Variants in ASB2 observed in about 807,000 individuals in gnomAD.
ASB2 encodes ankyrin repeat and SOCS box containing 2.
Under a neutral mutation model 62.4 loss-of-function variants are expected in ASB2, and 58 were observed. The observed-to-expected ratio is 0.93, with a 90% CI of 0.75 to 1.16. ASB2 has a LOEUF of 1.16. Ranked by LOEUF, ASB2 falls within the 50% of genes most tolerant of loss-of-function variation. The pLI is 0.00. For missense variants in ASB2, 928 were observed against 887.9 expected, an observed-to-expected ratio of 1.05 and a Z score of -0.57; for synonymous variants, 386 against 385.3, an observed-to-expected ratio of 1.00 and a Z score of -0.02.
chr14:93,944,475 G>A (rs1888649387), intron 7 of ASB2, among the ~76,000 whole-genome samples: 1 of 152,232 alleles, frequency 6.6e-6, no homozygotes, highest in African/African-American at 2.4e-5. Context: ...TCCATGCCTG[G>A]GACGGATGGC....
chr14:93,946,525 G>T (rs1264804296), intron 7 of ASB2, among the ~76,000 whole-genome samples: 2 of 152,370 alleles, frequency 1.3e-5, no homozygotes, highest in East Asian at 3.9e-4. Context: ...AGCTATCAAT[G>T]TGAGGTCAGT....
intron 1 of ASB2, among the ~76,000 whole-genome samples, chr14:93,967,303 G>C (rs905508329): frequency 6.6e-6 from 1 of 151,998 alleles, no homozygotes; most frequent in African/African-American, 2.4e-5. Flanking sequence ...CTTCAGTGGC[G>C]GGGGGAAGGG....
rs551243819 is a variant in ASB2, at chr14:93,964,535, G to A, written c.5C>T (p.Ala2Val). 4.6e-6 allele frequency: 7 copies of A among 1,536,032 alleles called. No individual in the cohort carries two copies. The Admixed American group carries it at 5.9e-5, about 13-fold the overall frequency. MATQISTRGSQC... is the reference protein window; with the variant it reads MVTQISTRGSQC... ...GCTGCCCCGAGTGCTGATCTGCGTG[G>A]CCATCCTCCTCCACCTCTCACCCTG... The change falls in exon 2 of 10, where the codon GCC (alanine) becomes GTC (valine). Residue 2 changes from alanine (A) to valine (V), a missense_variant. Physicochemically the swap from Ala to Val is moderately conservative, Grantham distance 64. Transcript: ENST00000555019.
rs1308106069 is a variant in ASB2, at chr14:93,955,857, C to T, written c.311+909G>A. Among the ~76,000 whole-genome samples, 10 of 152,110 alleles carry T rather than the reference C, an allele frequency of 6.6e-5. No homozygotes were observed. In the East Asian group the frequency reaches 1.3e-3, roughly 21 times the overall value. On this transcript the variant is annotated intron_variant, in intron 3 of 9. Transcript: ENST00000555019. ...TCACGTTGCCCTCTCCAGCCGTGTC[C>T]TGCAGAGAAGGGAGACTCAGAGGGG...
At chr14:93,972,437 C>T (rs1017073212) in intron 1 of ASB2, among the ~76,000 whole-genome samples, 5 of 152,130 alleles carry the variant, frequency 3.3e-5, no homozygotes, top group African/African-American at 9.7e-5. Flanking sequence ...GCCTGTGGGT[C>T]CTTGTCCTGT....
chr14:93,960,976 T>TAAAC (rs1248941187), intron 2 of ASB2, among the ~76,000 whole-genome samples: 1 of 149,960 alleles, frequency 6.7e-6, no homozygotes, highest in African/African-American at 2.5e-5. Flanking sequence ...AATAAATAAA[T>TAAAC]AAATAAATAA....
intron 8 of ASB2, among the ~76,000 whole-genome samples, chr14:93,938,531 C>T (rs1014184608): frequency 6.6e-6 from 1 of 152,158 alleles, no homozygotes; most frequent in Non-Finnish European, 1.5e-5. Context: ...TGAGCCACCG[C>T]GCCCGGCCAA....
intron 1 of ASB2, among the ~76,000 whole-genome samples, chr14:93,968,940 G>A (rs1022178815): frequency 6.6e-6 from 1 of 152,238 alleles, no homozygotes; most frequent in African/African-American, 2.4e-5. Context: ...TTGAGAGAGA[G>A]GGACTCTGCC....
In ASB2 at chr14:93,949,978, C is replaced by T. The variant is rs149566744; in HGVS notation, c.880+1021G>A. Among the ~76,000 whole-genome samples, 810 of 152,314 alleles carry T rather than the reference C, an allele frequency of 5.3e-3. 6 individuals carry two copies. The highest frequency in any genetic ancestry group is 0.018 in the African/African-American group (763 of 41,546). On this transcript the variant is annotated intron_variant, in intron 6 of 9. Coordinates refer to ENST00000555019, the MANE Select transcript of ASB2 (RefSeq NM_001202429.2). Reference sequence around the variant, plus strand: ...CAGAGTCCCGTGCTGCCGACTCTCACAGGGTAGGGTGGCTGGCAGAGCACA... The same window carrying T: ...CAGAGTCCCGTGCTGCCGACTCTCATAGGGTAGGGTGGCTGGCAGAGCACA...
At chr14:93,948,859 C>A (rs1165680184) in intron 6 of ASB2, among the ~76,000 whole-genome samples, 1 of 152,126 alleles carries the variant, frequency 6.6e-6, no homozygotes, top group East Asian at 1.9e-4. Flanking sequence ...TTACTTGAGC[C>A]CAGGAGGTTG....
chr14:93,975,716 G>T lies in ASB2; in HGVS notation c.-74+718C>A, dbSNP rs1889892358. 2.0e-5 allele frequency among the ~76,000 whole-genome samples: 3 copies of T among 152,096 alleles called. 1 individual carries two copies. The South Asian group carries it at 6.2e-4, about 32-fold the overall frequency. ...ATTTCACTTTCCATCATCACCCCAG[G>T]TCCCTTGACTTCCCTGCCTTTGCCC... On this transcript the variant is annotated intron_variant, in intron 1 of 9. Transcript: ENST00000555019.
chr14:93,973,625 C>G (rs1176866523), intron 1 of ASB2, among the ~76,000 whole-genome samples: 1 of 152,232 alleles, frequency 6.6e-6, no homozygotes, highest in African/African-American at 2.4e-5. Context: ...AGTCTCCAGG[C>G]CCATGGGTGA....
chr14:93,962,307 G>A (rs111389571), intron 2 of ASB2, among the ~76,000 whole-genome samples: 2 of 151,680 alleles, frequency 1.3e-5, no homozygotes, highest in African/African-American at 4.9e-5. Context: ...GTAGAGACGG[G>A]GTTTCACCGT....
At chr14:93,962,613 G>A (rs1279164306) in intron 2 of ASB2, among the ~76,000 whole-genome samples, 1 of 152,194 alleles carries the variant, frequency 6.6e-6, no homozygotes, top group Non-Finnish European at 1.5e-5. Flanking sequence ...ATGGCCCACT[G>A]TGGGCCTCCA....
Position 93,954,344 on chromosome 14 carries a change from C to T in ASB2, c.451G>A (p.Val151Met). The T allele has an allele frequency of 1.9e-6, 3 of 1,613,884 alleles. No individual in the cohort carries two copies. Among genetic ancestry groups the T allele is most frequent in the Non-Finnish European group, 2.5e-6 (3 of 1,179,962 alleles). The part of the protein sequence containing the change: ...PLHEAAYYGQ[V>M]GCLKVLQRAY... ...CGCTGCAGGACTTTCAGGCAGCCCACCTGGCCATAGTATGCGGCCTCGTGC... is the reference window on the plus strand; with the variant it reads ...CGCTGCAGGACTTTCAGGCAGCCCATCTGGCCATAGTATGCGGCCTCGTGC... Residue 151 changes from valine to methionine, a missense_variant, in exon 4 of 10, where the codon GTG becomes ATG. Physicochemically the swap from Val to Met is conservative, Grantham distance 21. Coordinates refer to ENST00000555019, the MANE Select transcript of ASB2 (RefSeq NM_001202429.2).
chr14:93,956,326 A>G lies in ASB2; in HGVS notation c.311+440T>C, dbSNP rs556333068. Among the ~76,000 whole-genome samples, 8 of 152,272 alleles carry G rather than the reference A, an allele frequency of 5.3e-5. No individual in the cohort carries two copies. In the South Asian group the frequency reaches 1.7e-3, roughly 32 times the overall value. On this transcript the variant is annotated intron_variant, in intron 3 of 9. Transcript: ENST00000555019. ...CTGTGGGTGTGGGCATTTTGGATGT[A>G]CCCACAGCGATGGCATGGGGGAAAG...
intron 2 of ASB2, 28 bp downstream of exon 2, chr14:93,964,306 C>G (rs1211428222): frequency 4.6e-5 from 71 of 1,533,002 alleles, no homozygotes; most frequent in Non-Finnish European, 5.5e-5. Context: ...GATGGCCCCA[C>G]TTCCCTCATC....
chr14:93,962,773 T>A (rs923773624), intron 2 of ASB2, among the ~76,000 whole-genome samples: 2 of 152,190 alleles, frequency 1.3e-5, no homozygotes, highest in Admixed American at 6.5e-5. Context: ...GCTGGCTTCA[T>A]GCAGCAGGCC....
At chr14:93,934,817 G>A (rs1380203260) in intron 9 of ASB2, 25 bp from the exon 10 acceptor site, 2 of 1,603,878 alleles carry the variant, frequency 1.2e-6, no homozygotes, top group South Asian at 1.1e-5. Context: ...GAAAGACAGA[G>A]GCTGATTTGT....
Sources: gnomAD v4.1 joint callset for allele counts (sites outside exome capture counted in the v4.1 genomes callset) on GRCh38, gnomAD v4.1.1 for gene constraint, MANE v1.5 for transcripts, NCBI Gene and HGNC (gene_info 2026-07-23, HGNC 2026-07-21) for gene names.